SPEF2: variants seen among roughly 807,000 people sequenced by gnomAD.
The protein encoded by SPEF2 is sperm flagellar and cilia associated 2.
A neutral mutation model predicts 224.6 loss-of-function variants in SPEF2; 187 were observed. That is an observed-to-expected ratio of 0.83 (90% confidence interval 0.74 to 0.94). The LOEUF is 0.94. Among genes scored for constraint, SPEF2 ranks in the 40% least tolerant of loss-of-function variants. The probability of loss-of-function intolerance (pLI) is 0.00; values close to 1 mark genes in which losing one functional copy is unlikely to be tolerated. For missense variants in SPEF2, 2,170 were observed against 2,135.6 expected, an observed-to-expected ratio of 1.02 and a Z score of -0.32; for synonymous variants, 715 against 707.3, an observed-to-expected ratio of 1.01 and a Z score of -0.17.
At chr5:35,682,486 T>C (rs1474619063) in intron 10 of SPEF2, among the ~76,000 whole-genome samples, 1 of 152,218 alleles carries the variant, frequency 6.6e-6, no homozygotes, top group African/African-American at 2.4e-5. Flanking sequence ...GTATCAGTAA[T>C]TTAATTCTGA....
intron 19 of SPEF2, 51 bp downstream of exon 19, chr5:35,709,172 CA>C: frequency 1.3e-6 from 2 of 1,592,778 alleles, no homozygotes; most frequent in Non-Finnish European, 1.7e-6. Flanking sequence ...TATTTTTACT[CA>C]GTAAAGAATT....
At position 35,800,115 on chromosome 5, in the gene SPEF2, C is replaced by G; in HGVS notation, c.4978C>G (p.Gln1660Glu). ...SVAVGTHVFQQVKASIPSAEK... is the reference protein window; with the variant it reads ...SVAVGTHVFQEVKASIPSAEK... ...GGCTGTTGGAACTCATGTCTTCCAA[C>G]AAGTCAAAGCTTCCATTCCAAGTGC... The change falls in exon 34 of 37, where the codon CAA becomes GAA. Residue 1660 changes from glutamine (Q) to glutamate (E), a missense_variant. Physicochemically the swap from Gln to Glu is conservative, Grantham distance 29. Transcript: ENST00000356031. The G allele has an allele frequency of 6.2e-7, 1 of 1,614,122 alleles. No individual in the cohort carries two copies. The highest frequency in any genetic ancestry group is 8.5e-7 in the Non-Finnish European group (1 of 1,180,018).
intron 32 of SPEF2, among the ~76,000 whole-genome samples, chr5:35,794,657 G>T (rs767526772): frequency 6.6e-6 from 1 of 152,054 alleles, no homozygotes; most frequent in South Asian, 2.1e-4. Context: ...ACTGACCTTC[G>T]CTATTTATTG....
At chr5:35,638,623 A>G (rs111502031) in intron 2 of SPEF2, among the ~76,000 whole-genome samples, 20 of 152,264 alleles carry the variant, frequency 1.3e-4, no homozygotes, top group African/African-American at 4.6e-4. Context: ...AACTTTGGAC[A>G]TCCCTTTCCT....
chr5:35,700,850 A>G (rs564324570), intron 16 of SPEF2, 98 bp downstream of exon 16: 2 of 1,267,650 alleles, frequency 1.6e-6, no homozygotes, highest in African/African-American at 1.5e-5. Context: ...ATGAGTACAA[A>G]ATAATCCACT....
rs191885824 is a variant in SPEF2, at chr5:35,756,009, C to T, written c.3468+2248C>T. ...TGACCTCAAAGCCAGTACAGTAGCT[C>T]CCCCTTCTCCTCAGGTTTATTTTCC... On this transcript the variant is annotated intron_variant, in intron 24 of 36. Coordinates refer to ENST00000356031, the MANE Select transcript of SPEF2 (RefSeq NM_024867.4). Among the ~76,000 whole-genome samples the T allele has an allele frequency of 5.9e-5, 9 of 152,224 alleles. No homozygotes were observed. The South Asian group carries it at 8.3e-4, about 14-fold the overall frequency.
intron 1 of SPEF2, among the ~76,000 whole-genome samples, chr5:35,625,777 A>T (rs139779126): frequency 5.3e-5 from 8 of 152,278 alleles, no homozygotes; most frequent in Middle Eastern, 6.8e-3. Flanking sequence ...TGGGTGGCAC[A>T]TTGAGGGTCA....
At chr5:35,712,307 C>T (rs1580399419) in intron 19 of SPEF2, among the ~76,000 whole-genome samples, 1 of 151,748 alleles carries the variant, frequency 6.6e-6, no homozygotes, top group Non-Finnish European at 1.5e-5. Context: ...GTTGCCCAGG[C>T]CATACTCAAA....
chr5:35,648,813 A>G (rs1050651656), intron 5 of SPEF2, among the ~76,000 whole-genome samples: 1 of 152,088 alleles, frequency 6.6e-6, no homozygotes, highest in Non-Finnish European at 1.5e-5. Flanking sequence ...CAGGAGTTTG[A>G]GGCCACCCTT....
chr5:35,782,675 T>A (rs554709903), intron 30 of SPEF2, among the ~76,000 whole-genome samples: 1 of 152,000 alleles, frequency 6.6e-6, no homozygotes, highest in South Asian at 2.1e-4. Flanking sequence ...AGTATCAAGA[T>A]GTAAATGGAA....
chr5:35,659,023 C>T lies in SPEF2; in HGVS notation c.983C>T (p.Ala328Val), dbSNP rs1354568532. The T allele has an allele frequency of 6.4e-7, 1 of 1,555,310 alleles. No individual in the cohort carries two copies. The highest frequency in any genetic ancestry group is 1.4e-5 in the African/African-American group (1 of 72,744). Residue 328 changes from alanine (A) to valine (V), a missense_variant, in exon 8 of 37, where the codon GCT becomes GTT. Physicochemically the swap from Ala to Val is moderately conservative, Grantham distance 64. Transcript: ENST00000356031. ...QLIAHEAQEE[A>V]YREEQLINRL... is the part of the protein sequence containing the mutation. ...TAATTCCCCTGGTGTTTTCAGGAGG[C>T]TTATCGGGAGGAACAGCTGATTAAC...
Position 35,773,904 on chromosome 5 carries a change from C to T in SPEF2, c.3961C>T (p.Pro1321Ser), listed in dbSNP as rs770832006. 8 of 1,612,528 alleles carry T rather than the reference C, an allele frequency of 5.0e-6. No individual in the cohort carries two copies. Among genetic ancestry groups the T allele is most frequent in the Non-Finnish European group, 5.9e-6 (7 of 1,179,284 alleles). The part of the protein sequence containing the change: ...EDKKPKGKSP[P>S]MAEATPVIVT... ...CATTGCCCTTTCAGGTAAATCACCA[C>T]CTATGGCAGAAGCAACTCCTGTCAT... The change falls in exon 28 of 37, where the codon CCT (proline) becomes TCT (serine). Residue 1321 changes from proline (P) to serine (S), a missense_variant. Pro to Ser is a moderately conservative substitution (Grantham distance 74). Transcript: ENST00000356031.
At chr5:35,766,666 CTCGTGCTATTTTCTT>C (rs1752133742) in intron 26 of SPEF2, among the ~76,000 whole-genome samples, 1 of 151,164 alleles carries the variant, frequency 6.6e-6, no homozygotes, top group Non-Finnish European at 1.5e-5. Flanking sequence ...TCATATTTTC[CTCGTGCTATTTTCTT>C]TGGGTTTACT....
chr5:35,778,993 T>G (rs1753965713), intron 29 of SPEF2, 124 bp from the exon 30 acceptor site: 1 of 570,478 alleles, frequency 1.8e-6, no homozygotes. Context: ...TTTATAAGCA[T>G]GCAGATGGAG....
rs550094928 is a variant in SPEF2 at position 35,618,732 on chromosome 5, A to C, written c.58+677A>C. On this transcript the variant is annotated intron_variant, in intron 1 of 36. Coordinates refer to ENST00000356031, the MANE Select transcript of SPEF2 (RefSeq NM_024867.4). Reference sequence around the variant, plus strand: ...TGCCCAAAGCTGACCTTATTCACCAACCTAATTTTATCCTAACCATGCAGT... The same window carrying C: ...TGCCCAAAGCTGACCTTATTCACCACCCTAATTTTATCCTAACCATGCAGT... Among the ~76,000 whole-genome samples the C allele has an allele frequency of 7.2e-5, 11 of 152,204 alleles. No individual in the cohort carries two copies. In the East Asian group the frequency reaches 1.9e-3, roughly 27 times the overall value.
chr5:35,732,288 C>G (rs1482375094), intron 21 of SPEF2, among the ~76,000 whole-genome samples: 1 of 152,038 alleles, frequency 6.6e-6, no homozygotes, highest in African/African-American at 2.4e-5. Context: ...TCAGTTCGAC[C>G]CATTCTTAGG....
rs75302348 is a variant in SPEF2 at position 35,741,174 on chromosome 5, T to C, written c.3330+907T>C. 4.0e-3 allele frequency among the ~76,000 whole-genome samples: 607 copies of C among 152,206 alleles called. 11 individuals are homozygous for C. The highest frequency in any genetic ancestry group is 0.014 in the African/African-American group (582 of 41,544). On this transcript the variant is annotated intron_variant, in intron 23 of 36. Coordinates refer to ENST00000356031, the MANE Select transcript of SPEF2 (RefSeq NM_024867.4). ...AGACACAGAATAAGCAATAAACAAATAAGCATATAGTGAATGTGTCCTTAG... is the reference window on the plus strand; with the variant it reads ...AGACACAGAATAAGCAATAAACAAACAAGCATATAGTGAATGTGTCCTTAG...
rs746653742 is a variant in SPEF2 at position 35,806,956 on chromosome 5, G to A, written c.5256+4G>A. On this transcript the variant is annotated splice_donor_region_variant and intron_variant, in intron 35 of 36. Coordinates refer to ENST00000356031, the MANE Select transcript of SPEF2 (RefSeq NM_024867.4). ...GATAGAGAACATTTATGCAGAGGTT[G>A]GTTAAATTATTTTGAAAAAAGTTGG... 6.9e-6 allele frequency: 11 copies of A among 1,587,254 alleles called. No individual in the cohort carries two copies. Among genetic ancestry groups the A allele is most frequent in the South Asian group, 1.2e-5 (1 of 85,434 alleles).
At chr5:35,710,808 A>G (rs1030744020) in intron 19 of SPEF2, 1 of 985,034 alleles carries the variant, frequency 1.0e-6, no homozygotes, top group Non-Finnish European at 1.2e-6. Flanking sequence ...ATATTCTTGA[A>G]TACTGTGCAT....
Sources: allele counts gnomAD v4.1 joint callset (sites outside exome capture counted in the v4.1 genomes callset), GRCh38; gene constraint gnomAD v4.1.1; transcripts MANE v1.5; gene names NCBI Gene and HGNC (gene_info 2026-07-23, HGNC 2026-07-21).